The following PIP4K2A variants were observed in gnomAD, a reference collection of about 807,000 sequenced individuals.
The protein encoded by PIP4K2A is phosphatidylinositol 5-phosphate 4-kinase type-2 alpha.
Under a neutral mutation model 42.9 loss-of-function variants are expected in PIP4K2A, and 14 were observed. That is an observed-to-expected ratio of 0.33 (90% CI 0.22 to 0.51). The LOEUF is 0.51. Among genes scored for constraint, PIP4K2A ranks in the 20% least tolerant of loss-of-function variants. The pLI is 0.97. For missense variants in PIP4K2A, 434 were observed against 519.8 expected (o/e 0.83, Z 1.61); for synonymous variants, 192 against 192.2 (o/e 1.00, Z 0.01).
At chr10:22,572,361 A>T (rs890046283) in intron 5 of PIP4K2A, among the ~76,000 whole-genome samples, 1 of 152,248 alleles carries the variant, frequency 6.6e-6, no homozygotes, top group Non-Finnish European at 1.5e-5. Context: ...CATGCCTATA[A>T]TCCCAGCACT....
intron 6 of PIP4K2A, among the ~76,000 whole-genome samples, chr10:22,557,846 T>C (rs1473376391): frequency 6.6e-6 from 1 of 152,186 alleles, no homozygotes; most frequent in Non-Finnish European, 1.5e-5. Flanking sequence ...GCCAAAATCT[T>C]TATAATATAG....
rs542441994 is a variant in PIP4K2A, at chr10:22,541,353, G to A, written c.1036+451C>T. On this transcript the variant is annotated intron_variant, in intron 8 of 9. Coordinates refer to ENST00000376573, the MANE Select transcript of PIP4K2A (RefSeq NM_005028.5). ...AGCTAAGGGTCACAGAGGATCACAT[G>A]CATGTGCCTAGCTTAGACTCATGAT... Among the ~76,000 whole-genome samples the A allele has an allele frequency of 6.6e-5, 10 of 152,302 alleles. No homozygotes were observed. In the South Asian group the frequency reaches 2.1e-3, roughly 32 times the overall value.
At chr10:22,639,213 G>A (rs913369830) in intron 1 of PIP4K2A, among the ~76,000 whole-genome samples, 1 of 151,992 alleles carries the variant, frequency 6.6e-6, no homozygotes, top group African/African-American at 2.4e-5. Context: ...AGCCAAGAAG[G>A]AATACCGAAA....
intron 1 of PIP4K2A, among the ~76,000 whole-genome samples, chr10:22,664,947 T>C (rs1839319910): frequency 6.6e-6 from 1 of 152,042 alleles, no homozygotes; most frequent in South Asian, 2.1e-4. Context: ...TTTCACATTA[T>C]ATAAACACAG....
intron 1 of PIP4K2A, 67 bp downstream of exon 1, chr10:22,714,116 G>A (rs984331965): frequency 4.1e-6 from 6 of 1,470,258 alleles, no homozygotes; most frequent in Non-Finnish European, 5.5e-6. Flanking sequence ...TGCAGCCGGA[G>A]GAGGAGGGGA....
chr10:22,586,202 A>C (rs1434917265), intron 4 of PIP4K2A, among the ~76,000 whole-genome samples: 2 of 152,238 alleles, frequency 1.3e-5, no homozygotes, highest in Non-Finnish European at 2.9e-5. Flanking sequence ...AAAATTTATG[A>C]AAGTTTGCTG....
intron 1 of PIP4K2A, among the ~76,000 whole-genome samples, chr10:22,698,804 T>C (rs1588714020): frequency 6.6e-6 from 1 of 152,356 alleles, no homozygotes; most frequent in South Asian, 2.1e-4. Flanking sequence ...CTTGATAGAA[T>C]GGTTATGGTA....
intron 1 of PIP4K2A, among the ~76,000 whole-genome samples, chr10:22,620,223 T>C (rs545528164): frequency 2.6e-5 from 4 of 152,240 alleles, no homozygotes; most frequent in Non-Finnish European, 5.9e-5. Context: ...TACAAAAGAA[T>C]GTAGTCATGT....
chr10:22,697,396 C>G (rs1353112928), intron 1 of PIP4K2A, among the ~76,000 whole-genome samples: 3 of 152,132 alleles, frequency 2.0e-5, no homozygotes, highest in Non-Finnish European at 2.9e-5. Flanking sequence ...TACAGGACCA[C>G]AGTAGAGGGA....
intron 6 of PIP4K2A, among the ~76,000 whole-genome samples, chr10:22,564,111 T>C (rs370799841): frequency 1.3e-5 from 2 of 152,370 alleles, no homozygotes; most frequent in East Asian, 3.9e-4. Context: ...CTGTGGTTCA[T>C]GCCCTGGGTT....
chr10:22,542,224 A>G (rs1237404674), intron 7 of PIP4K2A, among the ~76,000 whole-genome samples, 177 bp from the exon 8 acceptor site: 1 of 152,160 alleles, frequency 6.6e-6, no homozygotes, highest in East Asian at 1.9e-4. Flanking sequence ...TCTAAAATGT[A>G]GCCTCACACT....
At chr10:22,602,403 AAAAAG>A (rs551858669) in intron 3 of PIP4K2A, among the ~76,000 whole-genome samples, 98 of 151,708 alleles carry the variant, frequency 6.5e-4, no homozygotes, top group African/African-American at 2.1e-3. Context: ...ATAAAAAAAA[AAAAAG>A]AAAAGAAAAG....
chr10:22,569,311 G>A (rs778152741), intron 5 of PIP4K2A, among the ~76,000 whole-genome samples: 6 of 152,188 alleles, frequency 3.9e-5, no homozygotes, highest in African/African-American at 9.7e-5. Flanking sequence ...ATGTTTCTCA[G>A]GGCGATTCAG....
At position 22,577,911 on chromosome 10, in the gene PIP4K2A, T is replaced by A. The variant is rs149089056; in HGVS notation, c.493-4454A>T. Among the ~76,000 whole-genome samples the A allele has an allele frequency of 6.8e-3, 1,032 of 152,302 alleles. 10 individuals carry two copies. The highest frequency in any genetic ancestry group is 0.024 in the African/African-American group (980 of 41,570). ...CCTGGATCCTGGCTTGAACGTACACTTTGAGGGCAACTGGGGACACCTGAT... is the reference window on the plus strand; with the variant it reads ...CCTGGATCCTGGCTTGAACGTACACATTGAGGGCAACTGGGGACACCTGAT... On this transcript the variant is annotated intron_variant, in intron 4 of 9. Transcript: ENST00000376573.
intron 1 of PIP4K2A, among the ~76,000 whole-genome samples, chr10:22,663,361 C>T (rs1839245028): frequency 6.6e-6 from 1 of 152,182 alleles, no homozygotes; most frequent in Admixed American, 6.6e-5. Context: ...CCTTGATTCT[C>T]CTCTTCCTCT....
chr10:22,698,278 T>A (rs1323121087), intron 1 of PIP4K2A, among the ~76,000 whole-genome samples: 2 of 152,240 alleles, frequency 1.3e-5, no homozygotes, highest in Non-Finnish European at 2.9e-5. Context: ...GATATCTTTT[T>A]ATTCCAATCT....
At chr10:22,654,718 T>C (rs906763297) in intron 1 of PIP4K2A, among the ~76,000 whole-genome samples, 4 of 152,194 alleles carry the variant, frequency 2.6e-5, no homozygotes. Context: ...CAGGGTTGTA[T>C]AATTCTGGGC....
At chr10:22,650,195 A>C (rs538395278) in intron 1 of PIP4K2A, among the ~76,000 whole-genome samples, 1 of 152,322 alleles carries the variant, frequency 6.6e-6, no homozygotes, top group South Asian at 2.1e-4. Context: ...ATGATCTATC[A>C]GAGGTATTTA....
intron 1 of PIP4K2A, among the ~76,000 whole-genome samples, chr10:22,620,403 C>T (rs1335700417): frequency 3.3e-5 from 5 of 152,216 alleles, no homozygotes; most frequent in African/African-American, 7.2e-5. Context: ...GGGCCCCAGG[C>T]TCAGGGAGTC....
Sources: allele counts gnomAD v4.1 joint callset (sites outside exome capture counted in the v4.1 genomes callset), GRCh38; gene constraint gnomAD v4.1.1; transcripts MANE v1.5; gene names NCBI Gene and HGNC (gene_info 2026-07-23, HGNC 2026-07-21).